PCLO: variants seen among roughly 807,000 people sequenced by gnomAD.
PCLO encodes the protein protein piccolo.
A neutral mutation model predicts 427.5 loss-of-function variants in PCLO; 82 were observed. The ratio of observed to expected loss-of-function variants is 0.19; its 90% CI spans 0.16 to 0.23. The LOEUF is 0.23. Ranked by LOEUF, PCLO falls within the 10% of genes least tolerant of loss-of-function variation. The pLI is 1.00. For synonymous variants in PCLO, 2,357 were observed against 2,155.4 expected (o/e 1.09, Z -2.59); for missense variants, 6,239 against 6,115.9 (o/e 1.02, Z -0.67).
At position 83,156,339 on chromosome 7, in the gene PCLO, T is replaced by A. The variant is rs1467160267; in HGVS notation, c.302A>T (p.Asp101Val). 2.5e-6 allele frequency: 4 copies of A among 1,612,594 alleles called. No individual in the cohort carries two copies. Among genetic ancestry groups the A allele is most frequent in the Non-Finnish European group, 3.4e-6 (4 of 1,179,506 alleles). ...ACCAGGTTGAGCTGGACGCCCAGGG[T>A]CCGGGGGTCTTCCTGATTGCTTTGG... The part of the protein sequence containing the change: ...HPPKQSGRPP[D>V]PGRPAQPGLS... Residue 101 changes from aspartate (D) to valine (V), a missense_variant, in exon 2 of 25, where the codon GAC (aspartate) becomes GTC (valine). Asp to Val is a radical substitution (Grantham distance 152). This residue lies in a region of PCLO where 4,677 missense variants were observed against 4,468.4 expected (regional missense o/e 1.05). Transcript: ENST00000333891.
chr7:82,880,047 T>C (rs553306632), intron 9 of PCLO, among the ~76,000 whole-genome samples: 34 of 152,332 alleles, frequency 2.2e-4, no homozygotes, highest in African/African-American at 7.9e-4. Flanking sequence ...TTTCTTACTT[T>C]GCAGTACAGG....
chr7:82,808,162 CAT>C (rs1562795288), intron 20 of PCLO, among the ~76,000 whole-genome samples: 1 of 151,826 alleles, frequency 6.6e-6, no homozygotes, highest in Non-Finnish European at 1.5e-5. Flanking sequence ...TTTAGTATGA[CAT>C]TGAATGGAAG....
At chr7:83,151,060 C>T (rs1792116612) in intron 2 of PCLO, among the ~76,000 whole-genome samples, 1 of 152,178 alleles carries the variant, frequency 6.6e-6, no homozygotes, top group South Asian at 2.1e-4. Flanking sequence ...CTTACAGCCT[C>T]TCTCTAGAGC....
chr7:82,999,076 G>C (rs1473219531), intron 3 of PCLO, among the ~76,000 whole-genome samples: 1 of 149,436 alleles, frequency 6.7e-6, no homozygotes, highest in Non-Finnish European at 1.5e-5. Flanking sequence ...ATATGGGATA[G>C]TGGGCAAATT....
chr7:83,046,577 T>C (rs554005097), intron 3 of PCLO, among the ~76,000 whole-genome samples: 1 of 152,166 alleles, frequency 6.6e-6, no homozygotes, highest in South Asian at 2.1e-4. Flanking sequence ...CCTGTGCTTT[T>C]GGATCTTAAT....
chr7:82,843,810 A>G (rs552752804), intron 13 of PCLO, among the ~76,000 whole-genome samples: 1 of 151,808 alleles, frequency 6.6e-6, no homozygotes, highest in East Asian at 2.0e-4. Context: ...GACTACAGGC[A>G]TGTGCCACCA....
chr7:82,824,420 A>C lies in PCLO; in HGVS notation c.14416-4T>G. On this transcript the variant is annotated splice_polypyrimidine_tract_variant and splice_region_variant and intron_variant, in intron 18 of 24. Transcript: ENST00000333891. ...TGCTAGATAAATCAATCAATACCTG[A>C]AAAAAAGTGTAACAAATAAATGAAA... 1 of 1,550,730 alleles carries C rather than the reference A, an allele frequency of 6.4e-7. No homozygotes were observed. Among genetic ancestry groups the C allele is most frequent in the East Asian group, 2.3e-5 (1 of 43,844 alleles).
At chr7:82,945,857 G>A (rs1795189870) in intron 6 of PCLO, among the ~76,000 whole-genome samples, 1 of 152,184 alleles carries the variant, frequency 6.6e-6, no homozygotes, top group Admixed American at 6.5e-5. Context: ...AAGGACAGAA[G>A]AGGAAATGCC....
chr7:82,774,210 A>G (rs1050796673), intron 22 of PCLO, among the ~76,000 whole-genome samples: 5 of 152,190 alleles, frequency 3.3e-5, no homozygotes, highest in African/African-American at 1.2e-4. Context: ...GATTCTTGCT[A>G]GGACCTTATG....
intron 22 of PCLO, among the ~76,000 whole-genome samples, chr7:82,766,337 C>T (rs1018699003): frequency 1.8e-4 from 28 of 151,942 alleles, no homozygotes; most frequent in African/African-American, 5.1e-4. Context: ...ATAACATGCA[C>T]CTCTGCTTGG....
At chr7:83,052,971 A>AT (rs1304284725) in intron 3 of PCLO, among the ~76,000 whole-genome samples, 4 of 151,924 alleles carry the variant, frequency 2.6e-5, no homozygotes, top group Non-Finnish European at 5.9e-5. Flanking sequence ...TGTCTGAATA[A>AT]TTTTTTAAAA....
rs1251044385 is a variant in PCLO, at chr7:82,952,836, T to C, written c.8117A>G (p.Asp2706Gly). 8 of 1,613,862 alleles carry C rather than the reference T, an allele frequency of 5.0e-6. No homozygotes were observed. The highest frequency in any genetic ancestry group is 1.1e-5 in the South Asian group (1 of 91,084). ...CTGAGGCTTCTCTAAATGTATGTTA[T>C]CTAGAGCAAGAGGCTCTGGAGGAAT... is the stretch of plus-strand genomic sequence containing the variant. ...ITIPPEPLAL[D>G]NIHLEKPQYK... is the part of the protein sequence containing the mutation. The change falls in exon 5 of 25, where the codon GAT becomes GGT. Residue 2706 changes from aspartate (D) to glycine (G), a missense_variant. By Grantham distance (94) the Asp-to-Gly change is moderately conservative (BLOSUM62 -1). Around this residue, in one of 5 missense-constraint regions of PCLO, gnomAD observed 4,677 missense variants for 4,468.4 expected, o/e 1.05. Transcript: ENST00000333891.
Position 83,081,510 on chromosome 7 carries a change from AT to A in PCLO, c.3300+52739del, listed in dbSNP as rs552563260. Among the ~76,000 whole-genome samples the A allele has an allele frequency of 1.2e-3, 177 of 152,036 alleles. 1 individual carries two copies. Among genetic ancestry groups the A allele is most frequent in the African/African-American group, 4.0e-3 (167 of 41,544 alleles). ...TTAAATACTTGAAAATGAGGAAAAAATATCTGAAAAATTTAGACCTGATGAT... is the reference window on the plus strand; with the variant it reads ...TTAAATACTTGAAAATGAGGAAAAAAATCTGAAAAATTTAGACCTGATGAT... On this transcript the variant is annotated intron_variant, in intron 3 of 24. Transcript: ENST00000333891.
intron 6 of PCLO, among the ~76,000 whole-genome samples, chr7:82,947,758 T>G (rs951509995): frequency 1.3e-4 from 20 of 152,176 alleles, no homozygotes; most frequent in African/African-American, 4.6e-4. Context: ...CTCAACTTCC[T>G]TTATGATTAG....
chr7:83,156,518 C>T lies in PCLO; in HGVS notation c.249-126G>A, dbSNP rs375595697. The T allele has an allele frequency of 2.8e-5, 16 of 565,874 alleles. 1 individual carries two copies. Among genetic ancestry groups the T allele is most frequent in the Admixed American group, 2.6e-4 (8 of 30,708 alleles). The allele number at this position is 565,874 out of a possible 1,614,324, so 35.1% of individuals were successfully genotyped here. A position where few individuals can be genotyped will look rare whatever the true frequency, so the allele number is the denominator to read the frequency against. On this transcript the variant is annotated intron_variant, in intron 1 of 24. Coordinates refer to ENST00000333891, the MANE Select transcript of PCLO (RefSeq NM_033026.6). The stretch of plus-strand genomic sequence containing the variant: ...ATGAATGTATAAATATAACTAGAAC[C>T]CATTTTTGTAGCATCCTTTAAGTGA...
chr7:82,903,575 T>C (rs980446948), intron 8 of PCLO, among the ~76,000 whole-genome samples: 1 of 151,984 alleles, frequency 6.6e-6, no homozygotes, highest in African/African-American at 2.4e-5. Context: ...TTGTGCTTTA[T>C]ATTTCATGGA....
At chr7:82,933,234 T>C (rs1205881524) in intron 6 of PCLO, among the ~76,000 whole-genome samples, 2 of 152,052 alleles carry the variant, frequency 1.3e-5, no homozygotes, top group East Asian at 1.9e-4. Context: ...GAATAATTTA[T>C]TAGGATGTTA....
intron 20 of PCLO, chr7:82,821,699 T>C (rs1791796356): frequency 5.1e-6 from 5 of 982,030 alleles, no homozygotes; most frequent in Non-Finnish European, 6.0e-6. Flanking sequence ...ACATAGTATA[T>C]CTTGATTTCC....
chr7:82,941,763 C>T (rs2116385290), intron 6 of PCLO, among the ~76,000 whole-genome samples: 1 of 152,226 alleles, frequency 6.6e-6, no homozygotes, highest in East Asian at 1.9e-4. Flanking sequence ...AAATATACCC[C>T]AAACTTTTCC....
Sources: allele counts gnomAD v4.1 joint callset (sites outside exome capture counted in the v4.1 genomes callset), GRCh38; gene constraint gnomAD v4.1.1; regional missense constraint gnomAD v4.1.1; transcripts MANE v1.5; gene names NCBI Gene and HGNC (gene_info 2026-07-23, HGNC 2026-07-21).